The following METAP1D variants were observed in gnomAD, a reference collection of about 807,000 sequenced individuals.
METAP1D encodes methionyl aminopeptidase type 1D, mitochondrial.
A neutral mutation model predicts 40.5 loss-of-function variants in METAP1D; 31 were observed. The observed-to-expected ratio is 0.77, with a 90% CI of 0.58 to 1.03. METAP1D has a LOEUF of 1.03. METAP1D is among the 50% of genes least tolerant of loss of function. The pLI, the probability that METAP1D is intolerant of heterozygous loss-of-function variation, is 0.00. For missense variants in METAP1D, 411 were observed against 420.7 expected (o/e 0.98, Z 0.20); for synonymous variants, 151 against 146.4 (o/e 1.03, Z -0.22).
intron 1 of METAP1D, among the ~76,000 whole-genome samples, chr2:172,037,380 C>G (rs781045276): frequency 6.6e-6 from 1 of 151,774 alleles, no homozygotes; most frequent in Non-Finnish European, 1.5e-5. Flanking sequence ...ATTACGTCTT[C>G]CTACCTAACA....
chr2:172,074,441 C>G (rs1438939235), intron 6 of METAP1D, among the ~76,000 whole-genome samples: 1 of 152,158 alleles, frequency 6.6e-6, no homozygotes, highest in Non-Finnish European at 1.5e-5. Flanking sequence ...TTGACAGCTA[C>G]TGTAAATTAC....
At chr2:172,075,159 C>T (rs1479194376) in intron 6 of METAP1D, among the ~76,000 whole-genome samples, 2 of 152,268 alleles carry the variant, frequency 1.3e-5, no homozygotes, top group African/African-American at 4.8e-5. Context: ...AAAGTAAGTT[C>T]ATAAACAACC....
chr2:172,011,345 C>T (rs1688717565), intron 1 of METAP1D, among the ~76,000 whole-genome samples: 1 of 148,150 alleles, frequency 6.7e-6, no homozygotes, highest in Admixed American at 6.8e-5. Context: ...AGTGCAGTGG[C>T]GCGATCTCGG....
chr2:172,059,258 G>A (rs561639359), intron 1 of METAP1D, among the ~76,000 whole-genome samples: 4 of 151,976 alleles, frequency 2.6e-5, no homozygotes, highest in Admixed American at 6.5e-5. Context: ...ACAGGCGCGC[G>A]CCACCATGCC....
Position 172,065,711 on chromosome 2 carries a change from T to A in METAP1D, c.456T>A (p.Cys152Ter). 1 of 1,614,022 alleles carries A rather than the reference T, an allele frequency of 6.2e-7. No individual in the cohort carries two copies. Residue 152 changes from cysteine to a stop codon, truncating the protein, a stop_gained, in exon 4 of 10, where the codon TGT becomes TGA. Coordinates refer to ENST00000315796, the MANE Select transcript of METAP1D (RefSeq NM_199227.3). LOFTEE classifies it high-confidence loss of function. ...LGYGGFPKSV[C>*]TSVNNVLCHG... Reference sequence around the variant, plus strand: ...ATGGAGGTTTTCCAAAATCTGTTTGTACCTCTGTAAACAACGTGCTCTGTC... The same window carrying A: ...ATGGAGGTTTTCCAAAATCTGTTTGAACCTCTGTAAACAACGTGCTCTGTC...
intron 8 of METAP1D, 101 bp from the exon 9 acceptor site, chr2:172,080,027 A>G: frequency 9.9e-7 from 1 of 1,013,336 alleles, no homozygotes; most frequent in Non-Finnish European, 1.5e-6. Flanking sequence ...GAAGCACTTG[A>G]GGGGAGGGAG....
intron 1 of METAP1D, among the ~76,000 whole-genome samples, chr2:172,042,411 GTGTACATGTGTACATATATACATATGTA>G: frequency 2.1e-5 from 1 of 48,690 alleles, no homozygotes; most frequent in Non-Finnish European, 4.1e-5. Flanking sequence ...ACATATGTAT[GTGTACATGTGTACATATATACATATGTA>G]TGTGTACATG....
intron 5 of METAP1D, among the ~76,000 whole-genome samples, chr2:172,066,630 C>T (rs986608586): frequency 7.2e-5 from 11 of 152,206 alleles, no homozygotes; most frequent in African/African-American, 2.4e-4. Flanking sequence ...CAGAGCACCA[C>T]AGCACTGGGC....
chr2:172,012,450 G>A (rs1216957017), intron 1 of METAP1D, among the ~76,000 whole-genome samples: 5 of 152,180 alleles, frequency 3.3e-5, no homozygotes, highest in Non-Finnish European at 7.3e-5. Flanking sequence ...TCACCATGGG[G>A]TGAAGCGTGG....
intron 6 of METAP1D, among the ~76,000 whole-genome samples, chr2:172,071,590 C>A (rs1690421842): frequency 6.6e-6 from 1 of 152,104 alleles, no homozygotes; most frequent in Non-Finnish European, 1.5e-5. Context: ...TTGTCTGGTT[C>A]ATTTTTCCTG....
At chr2:172,079,154 T>C (rs530102734) in intron 7 of METAP1D, 61 bp from the exon 8 acceptor site, 153 of 1,497,574 alleles carry the variant, frequency 1.0e-4, no homozygotes, top group Non-Finnish European at 1.4e-4. Flanking sequence ...CCCTGTAATC[T>C]GTTTTTTTTT....
intron 6 of METAP1D, among the ~76,000 whole-genome samples, chr2:172,077,559 C>T (rs761586936): frequency 1.5e-4 from 23 of 152,164 alleles, no homozygotes; most frequent in African/African-American, 4.3e-4. Context: ...ATGACTCAAA[C>T]GACTGTGTTG....
intron 3 of METAP1D, chr2:172,064,084 C>T (rs1690196445): frequency 2.1e-6 from 1 of 474,710 alleles, no homozygotes; most frequent in African/African-American, 2.0e-5. Flanking sequence ...AATCCAAATT[C>T]AATTTTAACT....
chr2:172,067,098 A>G (rs933939253), intron 5 of METAP1D, among the ~76,000 whole-genome samples: 2 of 152,212 alleles, frequency 1.3e-5, no homozygotes, highest in Non-Finnish European at 2.9e-5. Context: ...TCTGTTTATT[A>G]AAGAATTTTG....
At position 172,066,305 on chromosome 2, in the gene METAP1D, C is replaced by T; in HGVS notation, c.539C>T (p.Thr180Ile). 6.2e-7 allele frequency: 1 copy of T among 1,609,862 alleles called. No homozygotes were observed. The highest frequency in any genetic ancestry group is 8.5e-7 in the Non-Finnish European group (1 of 1,178,080). Residue 180 changes from threonine (T) to isoleucine (I), a missense_variant and splice_region_variant, in exon 5 of 10, where the codon ACA becomes ATA. Transcript: ENST00000315796. ...QDGDIINIDVTVYYNGYHGDT... is the reference protein window; with the variant it reads ...QDGDIINIDVIVYYNGYHGDT... ...GGAGATATTATCAACATTGATGTCA[C>T]AGTGAGTAAATCATATAAAAAATTG...
rs1688781801 is a variant in METAP1D at position 172,013,646 on chromosome 2, A to T, written c.40+13637A>T. Among the ~76,000 whole-genome samples, 3 of 152,182 alleles carry T rather than the reference A, an allele frequency of 2.0e-5. No individual in the cohort carries two copies. In the South Asian group the frequency reaches 6.2e-4, roughly 32 times the overall value. ...CAGATGCTGGTCACTGAAATGAGGA[A>T]CAAAGGAGGGAAATTTGCGTGTGAA... On this transcript the variant is annotated intron_variant, in intron 1 of 9. Coordinates refer to ENST00000315796, the MANE Select transcript of METAP1D (RefSeq NM_199227.3).
At chr2:172,004,512 C>T (rs566082536) in intron 1 of METAP1D, among the ~76,000 whole-genome samples, 7 of 151,602 alleles carry the variant, frequency 4.6e-5, no homozygotes, top group African/African-American at 7.3e-5. Flanking sequence ...TTAGTAGAGA[C>T]GGGGGTTTCG....
At chr2:172,078,002 TTG>T (rs945078445) in intron 7 of METAP1D, 108 bp downstream of exon 7, 7 of 590,706 alleles carry the variant, frequency 1.2e-5, no homozygotes, top group East Asian at 3.3e-5. Context: ...AACCTTGTGT[TTG>T]TGTGTGTGTT....
At chr2:172,016,211 G>C (rs1688849128) in intron 1 of METAP1D, among the ~76,000 whole-genome samples, 2 of 133,844 alleles carry the variant, frequency 1.5e-5, no homozygotes, top group African/African-American at 5.6e-5. Flanking sequence ...AGGAGTCCAA[G>C]GTTGCAGTGA....
Sources: gnomAD v4.1 joint callset for allele counts (sites outside exome capture counted in the v4.1 genomes callset) on GRCh38, gnomAD v4.1.1 for gene constraint, MANE v1.5 for transcripts, NCBI Gene and HGNC (gene_info 2026-07-23, HGNC 2026-07-21) for gene names.